Variants in ERBB4 observed in about 807,000 individuals in gnomAD.
ERBB4 encodes the protein erb-b2 receptor tyrosine kinase 4, also known as receptor tyrosine-protein kinase erbB-4.
ERBB4 carries 42 observed loss-of-function variants against 158.0 expected under a neutral mutation model. The ratio of observed to expected loss-of-function variants is 0.27; its 90% CI spans 0.21 to 0.34. The LOEUF (loss-of-function observed/expected upper bound fraction) is 0.34. Among genes scored for constraint, ERBB4 ranks in the 10% least tolerant of loss-of-function variants. ERBB4 has a pLI of 1.00. For missense variants in ERBB4, 1,333 were observed against 1,624.1 expected (o/e 0.82, Z 3.08); for synonymous variants, 583 against 558.7 (o/e 1.04, Z -0.61).
intron 1 of ERBB4, among the ~76,000 whole-genome samples, chr2:212,425,597 T>C (rs1463642439): frequency 1.3e-5 from 2 of 151,828 alleles, no homozygotes; most frequent in African/African-American, 4.8e-5. Flanking sequence ...GGTTATAGTA[T>C]AAACATAATA....
In ERBB4 at chr2:212,380,367, T is replaced by G. The variant is rs551866927; in HGVS notation, c.82+158082A>C. Among the ~76,000 whole-genome samples the G allele has an allele frequency of 8.6e-5, 13 of 151,434 alleles. No individual in the cohort carries two copies. The South Asian group carries it at 2.7e-3, about 31-fold the overall frequency. The stretch of plus-strand genomic sequence containing the variant: ...ATGATTTAAAGTATATGGGAAGATG[T>G]GCATAGGTTATATGCAAATACTACC... On this transcript the variant is annotated intron_variant, in intron 1 of 27. Coordinates refer to ENST00000342788, the MANE Select transcript of ERBB4 (RefSeq NM_005235.3).
At chr2:211,986,375 A>G (rs1200344881) in intron 2 of ERBB4, among the ~76,000 whole-genome samples, 3 of 152,186 alleles carry the variant, frequency 2.0e-5, no homozygotes, top group Non-Finnish European at 4.4e-5. Flanking sequence ...TGAGATCTTG[A>G]GAGGATAAAT....
intron 19 of ERBB4, among the ~76,000 whole-genome samples, chr2:211,615,144 AT>A (rs767882071): frequency 3.9e-5 from 6 of 152,170 alleles, no homozygotes; most frequent in Admixed American, 6.6e-5. Flanking sequence ...AAAGCAAGTA[AT>A]TTAGATAAAA....
intron 2 of ERBB4, among the ~76,000 whole-genome samples, chr2:211,948,502 TA>T (rs2080773394): frequency 6.6e-6 from 1 of 151,234 alleles, no homozygotes; most frequent in Non-Finnish European, 1.5e-5. Flanking sequence ...ACCACATTTT[TA>T]ATTTTTACTG....
At chr2:211,470,138 G>T (rs982573049) in intron 20 of ERBB4, among the ~76,000 whole-genome samples, 2 of 152,032 alleles carry the variant, frequency 1.3e-5, no homozygotes, top group African/African-American at 4.8e-5. Context: ...CTTGTGGTTG[G>T]CTGCAGCAAT....
At chr2:212,460,554 T>G (rs1025477905) in intron 1 of ERBB4, among the ~76,000 whole-genome samples, 1 of 152,178 alleles carries the variant, frequency 6.6e-6, no homozygotes, top group Non-Finnish European at 1.5e-5. Flanking sequence ...GAGGCTGGCA[T>G]CATTTTGCCC....
chr2:211,439,002 GTGTGTGTGTGTGTAAGCA>G (rs1291255379), intron 20 of ERBB4, among the ~76,000 whole-genome samples: 1 of 151,908 alleles, frequency 6.6e-6, no homozygotes, highest in Non-Finnish European at 1.5e-5. Context: ...GTGTGTGTGT[GTGTGTGTGTGTGTAAGCA>G]TGTGTGTGTG....
At chr2:211,539,897 A>T (rs2066753012) in intron 20 of ERBB4, among the ~76,000 whole-genome samples, 1 of 152,028 alleles carries the variant, frequency 6.6e-6, no homozygotes, top group Admixed American at 6.6e-5. Flanking sequence ...TGCACTTTAC[A>T]TAGCCTCCAT....
intron 1 of ERBB4, among the ~76,000 whole-genome samples, chr2:212,485,307 C>T (rs1401413349): frequency 6.6e-6 from 1 of 152,178 alleles, no homozygotes; most frequent in Non-Finnish European, 1.5e-5. Context: ...TCAGTCCCTG[C>T]TCTGTATCAC....
intron 4 of ERBB4, among the ~76,000 whole-genome samples, chr2:211,763,736 A>G (rs1489265084): frequency 6.6e-6 from 1 of 152,120 alleles, no homozygotes; most frequent in African/African-American, 2.4e-5. Context: ...ATAACAAAGA[A>G]AAATGGATAA....
intron 2 of ERBB4, among the ~76,000 whole-genome samples, chr2:212,040,664 A>G (rs1197828877): frequency 6.6e-6 from 1 of 152,072 alleles, no homozygotes; most frequent in Non-Finnish European, 1.5e-5. Context: ...AGTGTTTATC[A>G]TAAGCATTTG....
intron 19 of ERBB4, among the ~76,000 whole-genome samples, chr2:211,591,732 A>C (rs377580084): frequency 6.6e-6 from 1 of 152,330 alleles, no homozygotes; most frequent in East Asian, 1.9e-4. Flanking sequence ...AACACCTGAC[A>C]CTGTGCTTGC....
intron 2 of ERBB4, among the ~76,000 whole-genome samples, chr2:211,974,207 T>C (rs2081540960): frequency 6.6e-6 from 1 of 152,188 alleles, no homozygotes; most frequent in African/African-American, 2.4e-5. Flanking sequence ...TGTAACAACC[T>C]GCACTTGTAC....
chr2:212,170,140 CTTG>C (rs2081471871), intron 1 of ERBB4, among the ~76,000 whole-genome samples: 1 of 152,076 alleles, frequency 6.6e-6, no homozygotes, highest in African/African-American at 2.4e-5. Context: ...TTCATAGAGA[CTTG>C]TTGAATGGTT....
chr2:211,455,681 C>T (rs1033966367), intron 20 of ERBB4, among the ~76,000 whole-genome samples: 1 of 152,080 alleles, frequency 6.6e-6, no homozygotes, highest in Admixed American at 6.6e-5. Flanking sequence ...TTTAATTTTG[C>T]CTGTTTTTCA....
At chr2:212,412,374 C>T (rs2091524392) in intron 1 of ERBB4, among the ~76,000 whole-genome samples, 1 of 152,146 alleles carries the variant, frequency 6.6e-6, no homozygotes, top group African/African-American at 2.4e-5. Flanking sequence ...TAATGCCCTC[C>T]CTTTGGTAAT....
intron 19 of ERBB4, among the ~76,000 whole-genome samples, chr2:211,563,684 T>C (rs879360467): frequency 6.6e-6 from 1 of 152,202 alleles, no homozygotes; most frequent in Non-Finnish European, 1.5e-5. Context: ...AGTAGTATTC[T>C]TTGATCTTAG....
At chr2:211,417,230 T>C (rs2063413486) in intron 25 of ERBB4, among the ~76,000 whole-genome samples, 1 of 152,114 alleles carries the variant, frequency 6.6e-6, no homozygotes, top group Admixed American at 6.5e-5. Flanking sequence ...CTCAGCACTT[T>C]GGGAGGCCAC....
intron 12 of ERBB4, among the ~76,000 whole-genome samples, chr2:211,688,517 C>A (rs931419830): frequency 3.9e-5 from 6 of 152,172 alleles, no homozygotes; most frequent in African/African-American, 1.4e-4. Context: ...GCTCTCCAGT[C>A]TATTGCAAAC....
Sources: gnomAD v4.1 joint callset for allele counts (sites outside exome capture counted in the v4.1 genomes callset) on GRCh38, gnomAD v4.1.1 for gene constraint, MANE v1.5 for transcripts, NCBI Gene and HGNC (gene_info 2026-07-23, HGNC 2026-07-21) for gene names.